The following PCDH9 variants were observed in gnomAD, a reference collection of about 807,000 sequenced individuals.
PCDH9 encodes the protein protocadherin 9.
PCDH9 carries 24 observed loss-of-function variants against 70.6 expected under a neutral mutation model. The ratio of observed to expected loss-of-function variants is 0.34; its 90% CI spans 0.25 to 0.48. The LOEUF is 0.48. Among genes scored for constraint, PCDH9 ranks in the 20% least tolerant of loss-of-function variants. The pLI, the probability that PCDH9 is intolerant of heterozygous loss-of-function variation, is 0.99. For synonymous variants in PCDH9, 562 were observed against 558.5 expected, an observed-to-expected ratio of 1.01 and a Z score of -0.09; for missense variants, 1,281 against 1,503.6, an observed-to-expected ratio of 0.85 and a Z score of 2.45.
chr13:66,605,969 G>T (rs972747026), intron 4 of PCDH9, among the ~76,000 whole-genome samples: 1 of 152,034 alleles, frequency 6.6e-6, no homozygotes, highest in African/African-American at 2.4e-5. Flanking sequence ...AGATTTGCAG[G>T]ATCTAAAATG....
At chr13:66,757,637 C>T (rs1184491344) in intron 3 of PCDH9, among the ~76,000 whole-genome samples, 1 of 151,972 alleles carries the variant, frequency 6.6e-6, no homozygotes, top group Non-Finnish European at 1.5e-5. Flanking sequence ...TAGAGCCAAA[C>T]ATATATAAAA....
chr13:66,854,908 G>A (rs1039852845), intron 3 of PCDH9, among the ~76,000 whole-genome samples: 2 of 152,030 alleles, frequency 1.3e-5, no homozygotes, highest in Non-Finnish European at 2.9e-5. Flanking sequence ...TGTAATCAGA[G>A]TTTTCCAGGA....
chr13:66,315,286 T>G (rs1955631112), intron 4 of PCDH9, among the ~76,000 whole-genome samples: 1 of 152,190 alleles, frequency 6.6e-6, no homozygotes, highest in East Asian at 1.9e-4. Flanking sequence ...TCTGAGACCC[T>G]AAGCACGTCA....
At chr13:66,887,885 C>G (rs2082033835) in intron 3 of PCDH9, among the ~76,000 whole-genome samples, 1 of 152,056 alleles carries the variant, frequency 6.6e-6, no homozygotes, top group African/African-American at 2.4e-5. Flanking sequence ...TGTTACAAAC[C>G]TAAAAGTCAT....
intron 2 of PCDH9, among the ~76,000 whole-genome samples, chr13:67,175,756 T>C (rs2088433854): frequency 6.6e-6 from 1 of 152,154 alleles, no homozygotes; most frequent in South Asian, 2.1e-4. Context: ...CTGTCTAAAC[T>C]CACCTAAAAC....
chr13:66,612,625 A>C (rs1350907636), intron 4 of PCDH9, among the ~76,000 whole-genome samples: 1 of 152,142 alleles, frequency 6.6e-6, no homozygotes, highest in Non-Finnish European at 1.5e-5. Context: ...TTTAAATTTA[A>C]CTGTGAGACA....
In PCDH9 at chr13:66,482,970, C is replaced by T. The variant is rs565467443; in HGVS notation, c.3340+148240G>A. ...TATTTCTCCTGGCCTTTGCTGCTCA[C>T]TTCCTCCTGCACATACTAAGCCCCA... On this transcript the variant is annotated intron_variant, in intron 4 of 4. Coordinates refer to ENST00000377865, the MANE Select transcript of PCDH9 (RefSeq NM_203487.3). 5.3e-5 allele frequency among the ~76,000 whole-genome samples: 8 copies of T among 152,298 alleles called. No homozygotes were observed. In the East Asian group the frequency reaches 1.5e-3, roughly 29 times the overall value.
chr13:66,651,241 T>G (rs922242446), intron 3 of PCDH9, among the ~76,000 whole-genome samples: 13 of 151,644 alleles, frequency 8.6e-5, no homozygotes, highest in African/African-American at 3.1e-4. Context: ...AAAGTGTTTT[T>G]TAAATAAAAT....
At chr13:67,104,241 C>A (rs1350153867) in intron 2 of PCDH9, among the ~76,000 whole-genome samples, 1 of 152,138 alleles carries the variant, frequency 6.6e-6, no homozygotes, top group Non-Finnish European at 1.5e-5. Flanking sequence ...ATCTCTGTTA[C>A]TTCTAACTAG....
At chr13:66,922,543 T>G (rs898644092) in intron 2 of PCDH9, among the ~76,000 whole-genome samples, 8 of 151,446 alleles carry the variant, frequency 5.3e-5, no homozygotes, top group African/African-American at 1.9e-4. Flanking sequence ...TTCCAACAAC[T>G]CACCCAGAAG....
At chr13:66,392,702 T>C (rs929363362) in intron 4 of PCDH9, among the ~76,000 whole-genome samples, 2 of 152,136 alleles carry the variant, frequency 1.3e-5, no homozygotes, top group Admixed American at 6.6e-5. Context: ...TCATTTCTTA[T>C]ATAGGTAAAA....
At chr13:67,087,615 C>T (rs2086134597) in intron 2 of PCDH9, among the ~76,000 whole-genome samples, 2 of 152,096 alleles carry the variant, frequency 1.3e-5, no homozygotes, top group East Asian at 1.9e-4. Context: ...AGCTTTGTTC[C>T]TCTCCATTGG....
intron 3 of PCDH9, among the ~76,000 whole-genome samples, chr13:66,704,691 CT>C (rs1369337927): frequency 6.6e-6 from 1 of 152,002 alleles, no homozygotes; most frequent in Non-Finnish European, 1.5e-5. Flanking sequence ...GTAAGTGTAA[CT>C]TTTTGCAAAG....
intron 4 of PCDH9, among the ~76,000 whole-genome samples, chr13:66,588,728 T>C (rs1396739570): frequency 2.6e-5 from 4 of 151,928 alleles, no homozygotes; most frequent in Admixed American, 6.6e-5. Flanking sequence ...CAAGTTCTTT[T>C]CTTGAAGATA....
chr13:66,833,268 G>A (rs2080959652), intron 3 of PCDH9, among the ~76,000 whole-genome samples: 2 of 151,860 alleles, frequency 1.3e-5, no homozygotes, highest in South Asian at 4.2e-4. Flanking sequence ...TAACAAAACG[G>A]GACTGAATCT....
chr13:67,108,939 TG>T (rs1420449815), intron 2 of PCDH9, among the ~76,000 whole-genome samples: 12 of 152,218 alleles, frequency 7.9e-5, no homozygotes, highest in Admixed American at 5.2e-4. Flanking sequence ...TTTAACAGTT[TG>T]GCTCAATACC....
At chr13:66,961,986 G>A (rs543907640) in intron 2 of PCDH9, among the ~76,000 whole-genome samples, 1 of 152,196 alleles carries the variant, frequency 6.6e-6, no homozygotes, top group East Asian at 1.9e-4. Flanking sequence ...GGGAGGTGGA[G>A]GTTGCAGTGA....
chr13:67,018,887 C>T (rs571040178), intron 2 of PCDH9, among the ~76,000 whole-genome samples: 4 of 152,186 alleles, frequency 2.6e-5, no homozygotes, highest in African/African-American at 9.6e-5. Flanking sequence ...ACAATTCTAG[C>T]TTAACTTATT....
intron 2 of PCDH9, among the ~76,000 whole-genome samples, chr13:67,088,283 A>G (rs12372837): frequency 0.11 from 16,471 of 151,954 alleles, 970 homozygotes; most frequent in African/African-American, 0.12. Context: ...TTTACCCAGC[A>G]TCTATCAGTT....
Sources: gnomAD v4.1 joint callset for allele counts (sites outside exome capture counted in the v4.1 genomes callset) on GRCh38, gnomAD v4.1.1 for gene constraint, MANE v1.5 for transcripts, NCBI Gene and HGNC (gene_info 2026-07-23, HGNC 2026-07-21) for gene names.